Variants in ITGA8 observed in about 807,000 individuals in gnomAD.
The protein encoded by ITGA8 is integrin subunit alpha 8, also known as integrin alpha-8.
A neutral mutation model predicts 142.3 loss-of-function variants in ITGA8; 91 were observed. The ratio of observed to expected loss-of-function variants is 0.64; its 90% confidence interval spans 0.54 to 0.76. The LOEUF is 0.76. Ranked by LOEUF, ITGA8 falls within the 30% of genes least tolerant of loss-of-function variation. The pLI, the probability that ITGA8 is intolerant of heterozygous loss-of-function variation, is 0.00. For synonymous variants in ITGA8, 505 were observed against 485.2 expected (o/e 1.04, Z -0.54); for missense variants, 1,406 against 1,327.7 (o/e 1.06, Z -0.92).
At chr10:15,543,742 T>A (rs1833617153) in intron 27 of ITGA8, among the ~76,000 whole-genome samples, 2 of 152,214 alleles carry the variant, frequency 1.3e-5, no homozygotes, top group Non-Finnish European at 2.9e-5. Flanking sequence ...TTGAATAATG[T>A]CTTACCCAAA....
intron 21 of ITGA8, among the ~76,000 whole-genome samples, chr10:15,596,073 T>G (rs1050256224): frequency 6.6e-6 from 1 of 152,064 alleles, no homozygotes; most frequent in Admixed American, 6.6e-5. Context: ...AAATAGGCGG[T>G]TGGATTTTTC....
intron 29 of ITGA8, among the ~76,000 whole-genome samples, chr10:15,518,037 G>A (rs938199183): frequency 2.0e-5 from 3 of 152,188 alleles, no homozygotes; most frequent in Non-Finnish European, 4.4e-5. Context: ...TATATAGAGG[G>A]AGAATAGATT....
At chr10:15,682,495 C>G (rs1308301125) in intron 4 of ITGA8, among the ~76,000 whole-genome samples, 2 of 152,092 alleles carry the variant, frequency 1.3e-5, no homozygotes, top group Non-Finnish European at 2.9e-5. Context: ...TCTGATTTAC[C>G]TCAGTATTTT....
chr10:15,641,205 T>G (rs1298139580), intron 13 of ITGA8, among the ~76,000 whole-genome samples: 1 of 152,162 alleles, frequency 6.6e-6, no homozygotes, highest in Non-Finnish European at 1.5e-5. Context: ...AGGTGCATGC[T>G]ACCACGGCTG....
At chr10:15,519,227 A>G in intron 29 of ITGA8, 63 bp downstream of exon 29, 2 of 1,580,750 alleles carry the variant, frequency 1.3e-6, no homozygotes, top group Non-Finnish European at 1.7e-6. Context: ...CCCTAACTGT[A>G]TCCCTCTAAA....
intron 4 of ITGA8, among the ~76,000 whole-genome samples, chr10:15,679,241 C>T (rs1015719760): frequency 1.3e-5 from 2 of 152,120 alleles, no homozygotes; most frequent in African/African-American, 4.8e-5. Flanking sequence ...TTCTGGGCCA[C>T]CAATAAGCAT....
intron 26 of ITGA8, among the ~76,000 whole-genome samples, chr10:15,553,957 C>T (rs1833839538): frequency 6.6e-6 from 1 of 151,794 alleles, no homozygotes; most frequent in Non-Finnish European, 1.5e-5. Context: ...GGCACCATTG[C>T]ACTCTGGCCT....
intron 27 of ITGA8, among the ~76,000 whole-genome samples, chr10:15,543,406 T>C (rs1411721684): frequency 6.6e-6 from 1 of 152,222 alleles, no homozygotes. Flanking sequence ...CACACACTTT[T>C]GCCAATATTT....
chr10:15,691,694 C>A (rs374356622), intron 2 of ITGA8, among the ~76,000 whole-genome samples: 1 of 152,168 alleles, frequency 6.6e-6, no homozygotes, highest in East Asian at 1.9e-4. Context: ...TTACCAGAGG[C>A]TGGGGAGGGC....
chr10:15,661,268 C>T (rs1046516096), intron 8 of ITGA8, among the ~76,000 whole-genome samples: 2 of 152,186 alleles, frequency 1.3e-5, no homozygotes, highest in Non-Finnish European at 2.9e-5. Context: ...GAACTGTGCA[C>T]ACAGGGGATC....
At chr10:15,669,842 G>C (rs4356130) in intron 8 of ITGA8, among the ~76,000 whole-genome samples, 89,884 of 151,982 alleles carry the variant, frequency 0.59, 27,404 homozygotes, top group South Asian at 0.75. Flanking sequence ...TTGGTGAACC[G>C]CAGATGCTGC....
At chr10:15,567,228 G>T (rs941999199) in intron 25 of ITGA8, among the ~76,000 whole-genome samples, 1 of 151,846 alleles carries the variant, frequency 6.6e-6, no homozygotes, top group Non-Finnish European at 1.5e-5. Flanking sequence ...TCCTCAATAG[G>T]TTTTACTTTT....
At chr10:15,578,796 C>T (rs1421101225) in intron 23 of ITGA8, among the ~76,000 whole-genome samples, 2 of 152,062 alleles carry the variant, frequency 1.3e-5, no homozygotes, top group African/African-American at 4.8e-5. Context: ...TCTTACCACT[C>T]TTCATGGACT....
At chr10:15,572,394 A>T in intron 24 of ITGA8, 25 bp from the exon 25 acceptor site, 1 of 1,609,996 alleles carries the variant, frequency 6.2e-7, no homozygotes, top group Non-Finnish European at 8.5e-7. Flanking sequence ...CATGTTATCT[A>T]ATGACCCAGC....
chr10:15,546,161 G>A (rs73598785), intron 27 of ITGA8, among the ~76,000 whole-genome samples: 2 of 151,912 alleles, frequency 1.3e-5, no homozygotes, highest in Non-Finnish European at 2.9e-5. Context: ...AGAAGCAGCC[G>A]CACTCCCTAC....
intron 13 of ITGA8, among the ~76,000 whole-genome samples, chr10:15,640,685 C>A (rs151090041): frequency 6.6e-6 from 1 of 152,280 alleles, no homozygotes; most frequent in East Asian, 1.9e-4. Context: ...AAACTGGCAA[C>A]AGCTAAGGAA....
At chr10:15,616,259 T>C (rs576135020) in intron 14 of ITGA8, among the ~76,000 whole-genome samples, 7 of 152,304 alleles carry the variant, frequency 4.6e-5, no homozygotes, top group African/African-American at 1.7e-4. Context: ...AAAAAGTGGG[T>C]CATTTTATAA....
chr10:15,698,430 A>T (rs1835097535), intron 2 of ITGA8, among the ~76,000 whole-genome samples: 1 of 152,184 alleles, frequency 6.6e-6, no homozygotes, highest in Non-Finnish European at 1.5e-5. Flanking sequence ...GATACCTAGT[A>T]CTGGGATTGC....
At chr10:15,643,469 G>A (rs551773475) in intron 13 of ITGA8, among the ~76,000 whole-genome samples, 1 of 152,010 alleles carries the variant, frequency 6.6e-6, no homozygotes, top group Non-Finnish European at 1.5e-5. Context: ...TAGTAGAGAC[G>A]GGGTTTTACC....
Sources: gnomAD v4.1 joint callset for allele counts (sites outside exome capture counted in the v4.1 genomes callset) on GRCh38, gnomAD v4.1.1 for gene constraint, MANE v1.5 for transcripts, NCBI Gene and HGNC (gene_info 2026-07-23, HGNC 2026-07-21) for gene names.